The following RAB22A variants were observed in gnomAD, a reference collection of about 807,000 sequenced individuals.
The protein encoded by RAB22A is ras-related protein Rab-22A.
A neutral mutation model predicts 30.2 loss-of-function variants in RAB22A; 13 were observed. The ratio of observed to expected loss-of-function variants is 0.43; its 90% CI spans 0.28 to 0.68. The LOEUF is 0.68. Among genes scored for constraint, RAB22A ranks in the 30% least tolerant of loss-of-function variants. The probability of loss-of-function intolerance (pLI) is 0.18; values close to 1 mark genes in which losing one functional copy is unlikely to be tolerated. For missense variants in RAB22A, 177 were observed against 246.8 expected, an observed-to-expected ratio of 0.72 and a Z score of 1.89; for synonymous variants, 89 against 87.2, an observed-to-expected ratio of 1.02 and a Z score of -0.11.
At chr20:58,313,102 T>C (rs1986263235) in intron 2 of RAB22A, among the ~76,000 whole-genome samples, 1 of 152,072 alleles carries the variant, frequency 6.6e-6, no homozygotes, top group South Asian at 2.1e-4. Flanking sequence ...AAGTGCTCTC[T>C]CAAATAAGAA....
chr20:58,361,485 A>T lies in RAB22A; in HGVS notation c.*1782A>T, dbSNP rs1987223250. ...TCTAACTTCGTTTTGTTTAAAAGAC[A>T]TGTGGATGCTCCATGCCCCTAGGAT... On this transcript the variant is annotated 3_prime_UTR_variant, in exon 7 of 7. Transcript: ENST00000244040. 6.6e-6 allele frequency: 1 copy of T among 152,242 alleles called. No individual in the cohort carries two copies. The highest frequency in any genetic ancestry group is 2.4e-5 in the African/African-American group (1 of 41,472). 9.4% of individuals were successfully genotyped at this position (152,242 alleles called of 1,614,324 possible). A position where few individuals can be genotyped will look rare whatever the true frequency, so the allele number is the denominator to read the frequency against.
chr20:58,345,231 C>G (rs954597373), intron 3 of RAB22A, among the ~76,000 whole-genome samples: 1 of 152,114 alleles, frequency 6.6e-6, no homozygotes, highest in African/African-American at 2.4e-5. Context: ...AATATAGATT[C>G]CATTATGCTT....
At chr20:58,347,437 G>A (rs1429701284) in intron 3 of RAB22A, among the ~76,000 whole-genome samples, 2 of 152,150 alleles carry the variant, frequency 1.3e-5, no homozygotes, top group Non-Finnish European at 2.9e-5. Flanking sequence ...TGTATCAAAG[G>A]GTTAAGAGGG....
chr20:58,346,230 A>G (rs1056284741), intron 3 of RAB22A, among the ~76,000 whole-genome samples: 5 of 152,156 alleles, frequency 3.3e-5, no homozygotes, highest in African/African-American at 7.2e-5. Flanking sequence ...CCCTCTGTCC[A>G]TGACATGTCC....
At chr20:58,335,521 T>A (rs1815501867) in intron 2 of RAB22A, among the ~76,000 whole-genome samples, 1 of 152,172 alleles carries the variant, frequency 6.6e-6, no homozygotes. Flanking sequence ...AGGTATGTAG[T>A]ATGTATTGCC....
intron 6 of RAB22A, among the ~76,000 whole-genome samples, chr20:58,357,607 A>T (rs886761145): frequency 2.0e-5 from 3 of 152,174 alleles, no homozygotes; most frequent in African/African-American, 7.2e-5. Context: ...CAATTTTTTG[A>T]TGTCATATTT....
In RAB22A at chr20:58,362,636, CTAAT is replaced by C. The variant is rs1265423610; in HGVS notation, c.*2937_*2940del. 1.3e-5 allele frequency: 2 copies of C among 152,214 alleles called. No homozygotes were observed. Among genetic ancestry groups the C allele is most frequent in the African/African-American group, 4.8e-5 (2 of 41,454 alleles). 9.4% of individuals were successfully genotyped at this position (152,214 alleles called of 1,614,324 possible). On this transcript the variant is annotated 3_prime_UTR_variant, in exon 7 of 7. Coordinates refer to ENST00000244040, the MANE Select transcript of RAB22A (RefSeq NM_020673.3). ...AAGTGTTTTTCTGATTCTATGATAA[CTAAT>C]TAACCATCATCTGGTGATTAAAAGA... is the stretch of plus-strand genomic sequence containing the variant.
At chr20:58,322,676 C>T (rs896667500) in intron 2 of RAB22A, among the ~76,000 whole-genome samples, 1 of 152,188 alleles carries the variant, frequency 6.6e-6, no homozygotes, top group Non-Finnish European at 1.5e-5. Flanking sequence ...CAAATAATAA[C>T]AGTTTCACAT....
chr20:58,349,123 T>G (rs906002802), intron 3 of RAB22A, among the ~76,000 whole-genome samples: 2 of 128,044 alleles, frequency 1.6e-5, no homozygotes, highest in Admixed American at 1.5e-4. Flanking sequence ...ACATGAAAGT[T>G]TCCATGTCAG....
In RAB22A at chr20:58,309,984, T is replaced by C; in HGVS notation, c.8T>C (p.Leu3Pro). Residue 3 changes from leucine to proline, a missense_variant, in exon 1 of 7, where the codon CTG becomes CCG. Coordinates refer to ENST00000244040, the MANE Select transcript of RAB22A (RefSeq NM_020673.3). MALRELKVCLLGD... is the reference protein window; with the variant it reads MAPRELKVCLLGD... ...GCCCCTGGCTCCCGGGCCATGGCGC[T>C]GAGGGAGCTCAAAGTGTGTCTGCTC... The C allele has an allele frequency of 7.8e-7, 1 of 1,274,838 alleles. No individual in the cohort carries two copies. The highest frequency in any genetic ancestry group is 3.1e-5 in the South Asian group (1 of 31,762). 79.0% of individuals were successfully genotyped at this position (1,274,838 alleles called of 1,614,324 possible).
intron 2 of RAB22A, among the ~76,000 whole-genome samples, chr20:58,326,245 CA>C (rs1568866548): frequency 6.6e-6 from 1 of 151,956 alleles, no homozygotes; most frequent in Non-Finnish European, 1.5e-5. Context: ...AAGTACCATC[CA>C]CCTTAATCAA....
At chr20:58,331,501 C>T (rs1420445496) in intron 2 of RAB22A, among the ~76,000 whole-genome samples, 2 of 152,158 alleles carry the variant, frequency 1.3e-5, no homozygotes, top group Admixed American at 6.5e-5. Flanking sequence ...CATTTATTGT[C>T]TATTTAACCA....
At chr20:58,334,050 G>A (rs1986703851) in intron 2 of RAB22A, among the ~76,000 whole-genome samples, 1 of 151,778 alleles carries the variant, frequency 6.6e-6, no homozygotes, top group South Asian at 2.1e-4. Flanking sequence ...TTTTTTTTTG[G>A]CCAGGCTCAG....
rs763535121 is a variant in RAB22A at position 58,359,690 on chromosome 20, G to T, written c.572G>T (p.Arg191Leu). Reference sequence around the variant, plus strand: ...CGAAGACAGCCTTCAGAGCCAAAGCGGAGCTGCTGCTGACCGAACCTCAGC... The same window carrying T: ...CGAAGACAGCCTTCAGAGCCAAAGCTGAGCTGCTGCTGACCGAACCTCAGC... ...KLRRQPSEPK[R>L]SCC Residue 191 changes from arginine to leucine, a missense_variant, in exon 7 of 7, where the codon CGG becomes CTG. Physicochemically the swap from Arg to Leu is moderately radical, Grantham distance 102. Coordinates refer to ENST00000244040, the MANE Select transcript of RAB22A (RefSeq NM_020673.3). The T allele has an allele frequency of 6.2e-7, 1 of 1,610,166 alleles. No homozygotes were observed. The highest frequency in any genetic ancestry group is 8.5e-7 in the Non-Finnish European group (1 of 1,176,762).
intron 2 of RAB22A, among the ~76,000 whole-genome samples, chr20:58,334,055 G>T (rs953434766): frequency 1.3e-5 from 2 of 151,992 alleles, no homozygotes; most frequent in Admixed American, 1.3e-4. Context: ...TTTTGGCCAG[G>T]CTCAGTGGCT....
At position 58,363,489 on chromosome 20, in the gene RAB22A, G is replaced by C. The variant is rs532749956; in HGVS notation, c.*3786G>C. 1 of 152,248 alleles carries C rather than the reference G, an allele frequency of 6.6e-6. No individual in the cohort carries two copies. Among genetic ancestry groups the C allele is most frequent in the East Asian group, 1.9e-4 (1 of 5,188 alleles). The allele number at this position is 152,248 out of a possible 1,614,324, so 9.4% of individuals were successfully genotyped here. ...TGAGCTATACTTGGTACTTGCTCTAGAACATTTGGGAAATGACAAACTCAG... is the reference window on the plus strand; with the variant it reads ...TGAGCTATACTTGGTACTTGCTCTACAACATTTGGGAAATGACAAACTCAG... On this transcript the variant is annotated 3_prime_UTR_variant, in exon 7 of 7. Transcript: ENST00000244040.
At chr20:58,311,528 C>T (rs1161413639) in intron 2 of RAB22A, among the ~76,000 whole-genome samples, 1 of 152,134 alleles carries the variant, frequency 6.6e-6, no homozygotes, top group African/African-American at 2.4e-5. Context: ...AGATCTGAAC[C>T]CTTACACATT....
intron 3 of RAB22A, among the ~76,000 whole-genome samples, chr20:58,349,838 A>G (rs1987015732): frequency 6.6e-6 from 1 of 152,254 alleles, no homozygotes; most frequent in South Asian, 2.1e-4. Context: ...GTGGACAGTC[A>G]GCACTACTAC....
Position 58,339,122 on chromosome 20 carries a change from G to A in RAB22A, c.117-4596G>A, listed in dbSNP as rs115158720. Among the ~76,000 whole-genome samples the A allele has an allele frequency of 1.6e-3, 248 of 152,328 alleles. 1 individual carries two copies. The highest frequency in any genetic ancestry group is 5.7e-3 in the African/African-American group (236 of 41,582). ...ATACCTTGCAACAAGTTTTTTCATT[G>A]AGAGCACGTACTCTGACCAAAGTTC... On this transcript the variant is annotated intron_variant, in intron 2 of 6. Coordinates refer to ENST00000244040, the MANE Select transcript of RAB22A (RefSeq NM_020673.3).
Sources: gnomAD v4.1 joint callset for allele counts (sites outside exome capture counted in the v4.1 genomes callset) on GRCh38, gnomAD v4.1.1 for gene constraint, MANE v1.5 for transcripts, NCBI Gene and HGNC (gene_info 2026-07-23, HGNC 2026-07-21) for gene names.